Variants in SCAMP2 observed in about 807,000 individuals in gnomAD.
The protein encoded by SCAMP2 is secretory carrier-associated membrane protein 2.
Under a neutral mutation model 44.1 loss-of-function variants are expected in SCAMP2, and 25 were observed. The observed-to-expected ratio is 0.57, with a 90% confidence interval of 0.41 to 0.79. The LOEUF (loss-of-function observed/expected upper bound fraction) is 0.79, where lower values mean the gene tolerates loss of function less well. Ranked by LOEUF, SCAMP2 falls within the 30% of genes least tolerant of loss-of-function variation. The pLI, the probability that SCAMP2 is intolerant of heterozygous loss-of-function variation, is 0.00. For missense variants in SCAMP2, 355 were observed against 411.0 expected, an observed-to-expected ratio of 0.86 and a Z score of 1.18; for synonymous variants, 156 against 166.0, an observed-to-expected ratio of 0.94 and a Z score of 0.46.
Position 74,848,601 on chromosome 15 carries a change from T to A in SCAMP2, c.733A>T (p.Ser245Cys). 1 of 1,594,198 alleles carries A rather than the reference T, an allele frequency of 6.3e-7. No homozygotes were observed. Among genetic ancestry groups the A allele is most frequent in the South Asian group, 1.1e-5 (1 of 90,644 alleles). The change falls in exon 7 of 9, where the codon AGC becomes TGC. Residue 245 changes from serine (S) to cysteine (C), a missense_variant and splice_region_variant. Coordinates refer to ENST00000268099, the MANE Select transcript of SCAMP2 (RefSeq NM_005697.5). ...QLVGIPGLGD[S>C]GWIAALSTLD... Reference sequence around the variant, plus strand: ...CCCTCTGTGATGCCCAGGTCTCACCTGTCCCCCAGGCCAGGGATGCCAACC... The same window carrying A: ...CCCTCTGTGATGCCCAGGTCTCACCAGTCCCCCAGGCCAGGGATGCCAACC...
At chr15:74,846,824 G>A (rs2064402792) in intron 7 of SCAMP2, among the ~76,000 whole-genome samples, 1 of 152,166 alleles carries the variant, frequency 6.6e-6, no homozygotes, top group Non-Finnish European at 1.5e-5. Flanking sequence ...TGGGGGTGGG[G>A]AGTATGGAAA....
At chr15:74,861,681 G>A (rs545511930) in intron 1 of SCAMP2, among the ~76,000 whole-genome samples, 1 of 151,638 alleles carries the variant, frequency 6.6e-6, no homozygotes, top group South Asian at 2.1e-4. Context: ...GGCAGATCAC[G>A]AGGTCAGGAG....
At chr15:74,853,271 G>C in intron 3 of SCAMP2, 3 of 380,588 alleles carry the variant, frequency 7.9e-6, no homozygotes, top group Admixed American at 6.0e-5. Flanking sequence ...CGCATGTAAG[G>C]CCTGCCTCAC....
At chr15:74,846,018 C>T (rs897096982) in intron 7 of SCAMP2, among the ~76,000 whole-genome samples, 7 of 152,104 alleles carry the variant, frequency 4.6e-5, no homozygotes, top group Middle Eastern at 3.4e-3. Context: ...AGGCCAGGTT[C>T]GTGCCTGTAA....
At chr15:74,870,496 C>T (rs1476110939) in intron 1 of SCAMP2, among the ~76,000 whole-genome samples, 1 of 152,102 alleles carries the variant, frequency 6.6e-6, no homozygotes, top group African/African-American at 2.4e-5. Context: ...CCTACTAAAA[C>T]CCAAACCCCA....
Position 74,845,226 on chromosome 15 carries a change from G to A in SCAMP2, c.856-9C>T. 1 of 1,611,216 alleles carries A rather than the reference G, an allele frequency of 6.2e-7. No homozygotes were observed. Among genetic ancestry groups the A allele is most frequent in the Non-Finnish European group, 8.5e-7 (1 of 1,179,708 alleles). On this transcript the variant is annotated splice_polypyrimidine_tract_variant and intron_variant, in intron 8 of 8. Transcript: ENST00000268099. ...CGGTAGAGGGAGTGCACCTGGCGAA[G>A]AGGGGTGGGGTGAGAGAAGCCTGTC...
At chr15:74,854,706 G>T (rs1263047924) in intron 1 of SCAMP2, 57 bp from the exon 2 acceptor site, 1 of 1,495,506 alleles carries the variant, frequency 6.7e-7, no homozygotes, top group African/African-American at 1.4e-5. Context: ...GCCAGGGGCC[G>T]GCAGGCGAGC....
At chr15:74,848,472 C>T (rs927949628) in intron 7 of SCAMP2, 128 bp downstream of exon 7, 31 of 616,174 alleles carry the variant, frequency 5.0e-5, no homozygotes, top group Admixed American at 2.1e-4. Flanking sequence ...CGAGCTGGCC[C>T]ACTCACCCAC....
chr15:74,862,261 T>G (rs2064510593), intron 1 of SCAMP2, among the ~76,000 whole-genome samples: 1 of 14,564 alleles, frequency 6.9e-5, no homozygotes, highest in South Asian at 2.9e-3. Flanking sequence ...AGACTCTGTC[T>G]CCAAAAAAAA....
At position 74,862,019 on chromosome 15, in the gene SCAMP2, C is replaced by T. The variant is rs191779482; in HGVS notation, c.58-7370G>A. Among the ~76,000 whole-genome samples, 442 of 150,078 alleles carry T rather than the reference C, an allele frequency of 2.9e-3. 2 individuals carry two copies. The highest frequency in any genetic ancestry group is 0.01 in the African/African-American group (420 of 40,974). The stretch of plus-strand genomic sequence containing the variant: ...CTATAATCCCAACACTTTGGGAGGC[C>T]GAGGCAGGCGGATCATTTGAGGTCA... On this transcript the variant is annotated intron_variant, in intron 1 of 8. Coordinates refer to ENST00000268099, the MANE Select transcript of SCAMP2 (RefSeq NM_005697.5).
rs2064435962 is a variant in SCAMP2 at position 74,851,598 on chromosome 15, A to G, written c.344-117T>C. 6 of 1,347,102 alleles carry G rather than the reference A, an allele frequency of 4.5e-6. 1 individual carries two copies. In the South Asian group the frequency reaches 7.9e-5, roughly 18 times the overall value. 83.4% of individuals were successfully genotyped at this position (1,347,102 alleles called of 1,614,324 possible). On this transcript the variant is annotated intron_variant, in intron 4 of 8. Coordinates refer to ENST00000268099, the MANE Select transcript of SCAMP2 (RefSeq NM_005697.5). ...CAGGGTTCCCAGAGGGGCTCCAGCA[A>G]GCGGGGCTTGGAGTCTGCATGGAGC...
intron 6 of SCAMP2, among the ~76,000 whole-genome samples, chr15:74,849,463 G>C (rs905804123): frequency 6.6e-6 from 1 of 151,654 alleles, no homozygotes; most frequent in Non-Finnish European, 1.5e-5. Flanking sequence ...AACAAAACAG[G>C]CTGGGCACGG....
chr15:74,853,986 G>A, intron 3 of SCAMP2, 35 bp downstream of exon 3: 1 of 1,549,404 alleles, frequency 6.5e-7, no homozygotes, highest in Non-Finnish European at 8.9e-7. Context: ...TTCCCTCACT[G>A]GAGAGAAAAG....
chr15:74,844,897 AGG>A lies in SCAMP2; in HGVS notation c.*184_*185del. On this transcript the variant is annotated 3_prime_UTR_variant, in exon 9 of 9. Coordinates refer to ENST00000268099, the MANE Select transcript of SCAMP2 (RefSeq NM_005697.5). ...GAGCTTTGTTTTTTTTTGTACATAGAGGGGGAAAAAATTCCCTGTCCCTCCCG... is the reference window on the plus strand; with the variant it reads ...GAGCTTTGTTTTTTTTTGTACATAGAGGGAAAAAATTCCCTGTCCCTCCCG... 1.7e-6 allele frequency: 1 copy of A among 602,804 alleles called. No homozygotes were observed. The highest frequency in any genetic ancestry group is 2.9e-6 in the Non-Finnish European group (1 of 346,348). 37.3% of individuals were successfully genotyped at this position (602,804 alleles called of 1,614,324 possible). A position where few individuals can be genotyped will look rare whatever the true frequency, so the allele number is the denominator to read the frequency against.
rs150797014 is a variant in SCAMP2, at chr15:74,871,972, G to A, written c.57+1227C>T. 4.5e-4 allele frequency among the ~76,000 whole-genome samples: 68 copies of A among 151,614 alleles called. 2 individuals carry two copies. The highest frequency in any genetic ancestry group is 1.5e-3 in the African/African-American group (62 of 41,262). On this transcript the variant is annotated intron_variant, in intron 1 of 8. Coordinates refer to ENST00000268099, the MANE Select transcript of SCAMP2 (RefSeq NM_005697.5). ...AAGCACGAGAATCACTTGAACCCAG[G>A]AGGCTGAGGCTGCAGTGAGCCGAGA... is the stretch of plus-strand genomic sequence containing the variant.
Position 74,845,235 on chromosome 15 carries a change from G to T in SCAMP2, c.856-18C>A. On this transcript the variant is annotated intron_variant, in intron 8 of 8. Transcript: ENST00000268099. The stretch of plus-strand genomic sequence containing the variant: ...GAGTGCACCTGGCGAAGAGGGGTGG[G>T]GTGAGAGAAGCCTGTCCTTTGGGCC... 6.2e-7 allele frequency: 1 copy of T among 1,609,712 alleles called. No individual in the cohort carries two copies. Among genetic ancestry groups the T allele is most frequent in the South Asian group, 1.1e-5 (1 of 90,868 alleles).
At chr15:74,847,687 C>G (rs1421464030) in intron 7 of SCAMP2, among the ~76,000 whole-genome samples, 1 of 152,212 alleles carries the variant, frequency 6.6e-6, no homozygotes, top group Non-Finnish European at 1.5e-5. Context: ...CAGCCAAGTG[C>G]CAGTCTGACC....
chr15:74,855,140 G>C (rs988944777), intron 1 of SCAMP2, among the ~76,000 whole-genome samples: 19 of 151,544 alleles, frequency 1.3e-4, no homozygotes, highest in African/African-American at 4.1e-4. Flanking sequence ...GTCTTGCTCT[G>C]TCACCCAGGC....
At chr15:74,848,522 T>C in intron 7 of SCAMP2, 78 bp downstream of exon 7, 1 of 935,160 alleles carries the variant, frequency 1.1e-6, no homozygotes, top group East Asian at 2.5e-5. Flanking sequence ...CGGGGCTCTG[T>C]GGGAGCTAGA....
Sources: gnomAD v4.1 joint callset for allele counts (sites outside exome capture counted in the v4.1 genomes callset) on GRCh38, gnomAD v4.1.1 for gene constraint, MANE v1.5 for transcripts, NCBI Gene and HGNC (gene_info 2026-07-23, HGNC 2026-07-21) for gene names.